The following DCAF6 variants were observed in gnomAD, a reference collection of about 807,000 sequenced individuals.
DCAF6 encodes DDB1- and CUL4-associated factor 6.
A neutral mutation model predicts 125.1 loss-of-function variants in DCAF6; 54 were observed. The observed-to-expected ratio is 0.43, with a 90% CI of 0.35 to 0.54. The LOEUF is 0.54. Ranked by LOEUF, DCAF6 falls within the 20% of genes least tolerant of loss-of-function variation. The probability of loss-of-function intolerance (pLI) is 0.01; values close to 1 mark genes in which losing one functional copy is unlikely to be tolerated. For synonymous variants in DCAF6, 371 were observed against 390.4 expected (o/e 0.95, Z 0.58); for missense variants, 934 against 1,161.7 (o/e 0.80, Z 2.85).
chr1:167,902,011 C>T, the DCAF6 span: 2 of 1,613,762 alleles, frequency 1.2e-6, no homozygotes, highest in Non-Finnish European at 1.7e-6. Context: ...AGTAAGCCCC[C>T]ATACCTGCAA....
intron 21 of DCAF6, among the ~76,000 whole-genome samples, chr1:168,072,503 T>G (rs1220828924): frequency 1.3e-5 from 2 of 152,056 alleles, no homozygotes; most frequent in Non-Finnish European, 2.9e-5. Context: ...AAAATACAGG[T>G]GGTACCTTGT....
intron 13 of DCAF6, among the ~76,000 whole-genome samples, chr1:168,039,746 T>C (rs1163340020): frequency 6.7e-6 from 1 of 148,676 alleles, no homozygotes; most frequent in African/African-American, 2.4e-5. Context: ...ATAATATATG[T>C]AATATAATAT....
At position 168,065,619 on chromosome 1, in the gene DCAF6, C is replaced by T; in HGVS notation, c.2469C>T (p.Asn823=). The change falls in exon 19 of 22, where the codon AAC becomes AAT. Residue 823 remains asparagine, a synonymous_variant. Transcript: ENST00000367840. Reference sequence around the variant, plus strand: ...AAGAAGCCAATTTCTGGGGTGCTAACTTTGTAATGAGTGGTTCTGACTGTG... The same window carrying T: ...AAGAAGCCAATTTCTGGGGTGCTAATTTTGTAATGAGTGGTTCTGACTGTG... ...MIKEANFWGA[N]FVMSGSDCGH... 1 of 1,609,236 alleles carries T rather than the reference C, an allele frequency of 6.2e-7. No individual in the cohort carries two copies. Among genetic ancestry groups the T allele is most frequent in the Non-Finnish European group, 8.5e-7 (1 of 1,177,234 alleles).
chr1:167,876,094 T>C, the DCAF6 span, among the ~76,000 whole-genome samples: 2 of 151,740 alleles, frequency 1.3e-5, no homozygotes, highest in Non-Finnish European at 2.9e-5. Flanking sequence ...CTGTCTCTAC[T>C]AAAAATACAA....
chr1:168,041,280 T>G lies in DCAF6; in HGVS notation c.1728-1745T>G, dbSNP rs147593591. ...GTTTTCTATGGTGTTTATCTTTTTCTTATTGCGTTATTAGAGCTATTTATT... is the reference window on the plus strand; with the variant it reads ...GTTTTCTATGGTGTTTATCTTTTTCGTATTGCGTTATTAGAGCTATTTATT... On this transcript the variant is annotated intron_variant, in intron 13 of 21. Transcript: ENST00000367840. 2.1e-3 allele frequency among the ~76,000 whole-genome samples: 314 copies of G among 152,204 alleles called. 2 individuals carry two copies. Among genetic ancestry groups the G allele is most frequent in the African/African-American group, 7.0e-3 (293 of 41,566 alleles).
chr1:167,909,067 C>T, the DCAF6 span, among the ~76,000 whole-genome samples: 1 of 152,208 alleles, frequency 6.6e-6, no homozygotes. Flanking sequence ...CTTCAAGTCA[C>T]TACCCTTCTC....
At chr1:167,904,756 T>C in the DCAF6 span, 1 of 620,026 alleles carries the variant, frequency 1.6e-6, no homozygotes. Context: ...GAGCAAAGAA[T>C]GGGACTTGAG....
chr1:168,071,537 G>A (rs1693029445), intron 21 of DCAF6, among the ~76,000 whole-genome samples: 1 of 152,230 alleles, frequency 6.6e-6, no homozygotes, highest in Non-Finnish European at 1.5e-5. Flanking sequence ...GGGAGGCTGA[G>A]GCAGGAGAGT....
At chr1:167,935,732 C>T (rs1671126539), upstream of DCAF6, 1 of 1,558,576 alleles carries the variant, frequency 6.4e-7, no homozygotes, top group Non-Finnish European at 8.7e-7. Context: ...GGGTCCATTA[C>T]CTGCTGGATG....
upstream of DCAF6, chr1:167,936,554 T>G: frequency 3.6e-6 from 1 of 275,932 alleles, no homozygotes; most frequent in Non-Finnish European, 7.0e-6. Context: ...CCCAGGGTGG[T>G]CGTCATCTCG....
intron 13 of DCAF6, among the ~76,000 whole-genome samples, chr1:168,042,403 G>A (rs1186416111): frequency 2.0e-5 from 3 of 151,816 alleles, no homozygotes; most frequent in Non-Finnish European, 4.4e-5. Flanking sequence ...AATTGGCCTC[G>A]TATTCCGCTA....
intron 1 of DCAF6, among the ~76,000 whole-genome samples, chr1:167,942,363 C>G (rs570118494): frequency 2.6e-5 from 4 of 152,220 alleles, no homozygotes; most frequent in Admixed American, 1.3e-4. Flanking sequence ...TGCGCCTGGC[C>G]TTTAATTTGC....
intron 15 of DCAF6, 53 bp downstream of exon 15, chr1:168,044,724 A>C (rs1030711162): frequency 6.8e-7 from 1 of 1,479,888 alleles, no homozygotes; most frequent in Non-Finnish European, 9.4e-7. Flanking sequence ...AAAAGCCTTA[A>C]TCTATGTTAA....
At chr1:168,063,967 A>T in intron 18 of DCAF6, 1 of 419,422 alleles carries the variant, frequency 2.4e-6, no homozygotes, top group Non-Finnish European at 4.0e-6. Flanking sequence ...CTACTAAAAA[A>T]ATGCAGATTA....
chr1:167,918,310 A>T, the DCAF6 span: 2 of 1,564,312 alleles, frequency 1.3e-6, no homozygotes, highest in Non-Finnish European at 1.8e-6. Context: ...TGTTCAGGTG[A>T]TCAGGAACTC....
chr1:167,940,237 C>T (rs988517344), intron 1 of DCAF6, among the ~76,000 whole-genome samples: 4 of 152,236 alleles, frequency 2.6e-5, no homozygotes, highest in East Asian at 1.9e-4. Context: ...GATATGTTTA[C>T]TTAGAGCTCC....
chr1:167,874,320 G>C, the DCAF6 span, among the ~76,000 whole-genome samples: 8 of 152,116 alleles, frequency 5.3e-5, no homozygotes, highest in African/African-American at 1.9e-4. Flanking sequence ...AACAGAGTGA[G>C]ACTCTGTCTC....
intron 13 of DCAF6, among the ~76,000 whole-genome samples, chr1:168,041,892 GCGCACACACACACA>G (rs1315541592): frequency 1.1e-4 from 13 of 119,850 alleles, no homozygotes; most frequent in East Asian, 2.6e-4. Flanking sequence ...CATGTTTGTC[GCGCACACACACACA>G]CACACACACA....
chr1:167,885,574 A>C, the DCAF6 span, among the ~76,000 whole-genome samples: 2 of 152,142 alleles, frequency 1.3e-5, no homozygotes, highest in South Asian at 4.2e-4. Context: ...TATTTTTCAC[A>C]TACTTGTTTG....
Sources: allele counts gnomAD v4.1 joint callset (sites outside exome capture counted in the v4.1 genomes callset), GRCh38; gene constraint gnomAD v4.1.1; transcripts MANE v1.5; gene names NCBI Gene and HGNC (gene_info 2026-07-23, HGNC 2026-07-21).